The following FRMD4A variants were observed in gnomAD, a reference collection of about 807,000 sequenced individuals.
The protein encoded by FRMD4A is FERM domain containing 4A, also known as FERM domain-containing protein 4A.
A neutral mutation model predicts 129.1 loss-of-function variants in FRMD4A; 29 were observed. The observed-to-expected ratio is 0.22, with a 90% CI of 0.17 to 0.31. FRMD4A has a LOEUF of 0.31. Ranked by LOEUF, FRMD4A falls within the 10% of genes least tolerant of loss-of-function variation. The pLI is 1.00. For synonymous variants in FRMD4A, 634 were observed against 571.6 expected (o/e 1.11, Z -1.56); for missense variants, 1,272 against 1,375.8 (o/e 0.92, Z 1.19).
chr10:13,913,933 C>A (rs916795819), intron 2 of FRMD4A, among the ~76,000 whole-genome samples: 1 of 152,142 alleles, frequency 6.6e-6, no homozygotes, highest in South Asian at 2.1e-4. Context: ...GACGCAGAGG[C>A]CTCTAAGAGA....
In FRMD4A at chr10:14,221,691, C is replaced by T. The variant is rs577340169; in HGVS notation, c.45+108367G>A. The stretch of plus-strand genomic sequence containing the variant: ...CCTCCCGCCTCTGCCTCCCAAGTAG[C>T]TGGAACTACAGGTACACAGTACCAC... On this transcript the variant is annotated intron_variant, in intron 2 of 24. Transcript: ENST00000357447. Among the ~76,000 whole-genome samples, 5 of 150,728 alleles carry T rather than the reference C, an allele frequency of 3.3e-5. No homozygotes were observed. In the South Asian group the frequency reaches 1.1e-3, roughly 32 times the overall value.
intron 2 of FRMD4A, among the ~76,000 whole-genome samples, chr10:13,996,397 T>C (rs2095622628): frequency 1.3e-5 from 2 of 152,230 alleles, no homozygotes; most frequent in South Asian, 2.1e-4. Context: ...GGAACAGCTT[T>C]TGCAGAGCCC....
At position 13,657,481 on chromosome 10, in the gene FRMD4A, A is replaced by C. The variant is rs369649582; in HGVS notation, c.2108T>G (p.Leu703Arg). ...GCTGGAGCTCCGGTGCCTAAAGTGCAGTGCGAGGCTGTGCAGTCGGGTGGG... is the reference window on the plus strand; with the variant it reads ...GCTGGAGCTCCGGTGCCTAAAGTGCCGTGCGAGGCTGTGCAGTCGGGTGGG... ...ISPTRLHSLA[L>R]HFRHRSSSLE... Residue 703 changes from leucine (L) to arginine (R), a missense_variant, in exon 22 of 25, where the codon CTG (leucine) becomes CGG (arginine). Around this residue, in one of 2 missense-constraint regions of FRMD4A, gnomAD observed 972 missense variants for 892.3 expected, o/e 1.09. Transcript: ENST00000357447. The C allele has an allele frequency of 1.2e-6, 2 of 1,601,196 alleles. No homozygotes were observed. Among genetic ancestry groups the C allele is most frequent in the African/African-American group, 1.4e-5 (1 of 73,582 alleles).
intron 2 of FRMD4A, among the ~76,000 whole-genome samples, chr10:13,917,977 C>G (rs552908980): frequency 6.6e-6 from 1 of 152,322 alleles, no homozygotes; most frequent in Non-Finnish European, 1.5e-5. Context: ...GTAAATCACT[C>G]TACAAAAAGT....
chr10:13,707,265 CACACACAT>C, intron 12 of FRMD4A, 152 bp from the exon 13 acceptor site: 3 of 770,454 alleles, frequency 3.9e-6, no homozygotes, highest in South Asian at 2.2e-5. Context: ...TTGACACACA[CACACACAT>C]ACACACACAC....
At chr10:13,985,967 G>A (rs565283612) in intron 2 of FRMD4A, among the ~76,000 whole-genome samples, 218 of 152,324 alleles carry the variant, frequency 1.4e-3, no homozygotes, top group African/African-American at 5.1e-3. Context: ...CCCCTCCCCA[G>A]CCCCACTGTC....
intron 2 of FRMD4A, among the ~76,000 whole-genome samples, chr10:14,239,552 G>C (rs926724293): frequency 6.6e-6 from 1 of 152,100 alleles, no homozygotes; most frequent in South Asian, 2.1e-4. Context: ...GGTTGAACCC[G>C]GGAGGCGGAG....
At chr10:13,772,701 C>G (rs577515099) in intron 6 of FRMD4A, among the ~76,000 whole-genome samples, 1 of 152,154 alleles carries the variant, frequency 6.6e-6, no homozygotes, top group South Asian at 2.1e-4. Context: ...ATAGGCCAGG[C>G]ACAGAAAGAC....
chr10:14,181,443 G>A (rs1173527201), intron 2 of FRMD4A, among the ~76,000 whole-genome samples: 1 of 152,118 alleles, frequency 6.6e-6, no homozygotes, highest in East Asian at 1.9e-4. Context: ...CAGGCATCTG[G>A]GCGGAAGCAA....
intron 2 of FRMD4A, among the ~76,000 whole-genome samples, chr10:14,097,444 C>T (rs1391443563): frequency 1.3e-5 from 2 of 152,056 alleles, no homozygotes; most frequent in African/African-American, 4.8e-5. Context: ...GTACTAAATG[C>T]TTTTAAGTGA....
At position 13,793,466 on chromosome 10, in the gene FRMD4A, C is replaced by T. The variant is rs561886277; in HGVS notation, c.299+3030G>A. 7.6e-4 allele frequency among the ~76,000 whole-genome samples: 116 copies of T among 152,162 alleles called. 1 individual carries two copies. Among genetic ancestry groups the T allele is most frequent in the Non-Finnish European group, 1.6e-3 (106 of 68,040 alleles). ...GCATGAACCACCATGCCCAGCCTAC[C>T]ATGGCCCTCTTTTATCAGGTGGCTC... On this transcript the variant is annotated intron_variant, in intron 5 of 24. Coordinates refer to ENST00000357447, the MANE Select transcript of FRMD4A (RefSeq NM_018027.5).
chr10:13,925,590 T>TTTTTTC (rs2095124197), intron 2 of FRMD4A, among the ~76,000 whole-genome samples: 3 of 104,830 alleles, frequency 2.9e-5, no homozygotes, highest in Non-Finnish European at 5.7e-5. Flanking sequence ...TTTTTTTTTT[T>TTTTTTC]TTTTTTTTTT....
At chr10:14,010,218 C>G (rs2095676615) in intron 2 of FRMD4A, among the ~76,000 whole-genome samples, 1 of 152,172 alleles carries the variant, frequency 6.6e-6, no homozygotes, top group South Asian at 2.1e-4. Flanking sequence ...TTACATTTGA[C>G]TAAATGCAAC....
intron 2 of FRMD4A, among the ~76,000 whole-genome samples, chr10:14,185,416 C>T (rs981604759): frequency 6.6e-6 from 1 of 152,144 alleles, no homozygotes; most frequent in Non-Finnish European, 1.5e-5. Context: ...CCACCCTAAG[C>T]GTAAGGAGAG....
intron 2 of FRMD4A, among the ~76,000 whole-genome samples, chr10:13,927,691 A>C (rs1416955932): frequency 1.3e-5 from 2 of 152,216 alleles, no homozygotes; most frequent in African/African-American, 4.8e-5. Context: ...CAGAACTATA[A>C]ATTCTATAAA....
At chr10:13,786,637 C>T (rs2092872152) in intron 5 of FRMD4A, among the ~76,000 whole-genome samples, 1 of 152,068 alleles carries the variant, frequency 6.6e-6, no homozygotes, top group East Asian at 1.9e-4. Context: ...ACATCCTTTG[C>T]AAAGGGCCTC....
At chr10:14,043,903 T>C (rs1006071572) in intron 2 of FRMD4A, among the ~76,000 whole-genome samples, 4 of 152,184 alleles carry the variant, frequency 2.6e-5, no homozygotes, top group Non-Finnish European at 5.9e-5. Context: ...CACAGCTCAC[T>C]ATAACTTCGA....
intron 8 of FRMD4A, among the ~76,000 whole-genome samples, chr10:13,759,414 T>C (rs994085527): frequency 1.3e-5 from 2 of 152,206 alleles, no homozygotes; most frequent in Non-Finnish European, 2.9e-5. Context: ...CACGTTCCCA[T>C]GATCCGTGGG....
intron 2 of FRMD4A, among the ~76,000 whole-genome samples, chr10:13,935,212 C>T (rs1034804004): frequency 1.5e-4 from 23 of 151,874 alleles, no homozygotes; most frequent in African/African-American, 2.4e-4. Context: ...GCTGAGCAGG[C>T]GGATCACCTG....
Sources: gnomAD v4.1 joint callset for allele counts (sites outside exome capture counted in the v4.1 genomes callset) on GRCh38, gnomAD v4.1.1 for gene constraint, gnomAD v4.1.1 regional missense constraint, MANE v1.5 for transcripts, NCBI Gene and HGNC (gene_info 2026-07-23, HGNC 2026-07-21) for gene names.